Variants in GSK3B observed in about 807,000 individuals in gnomAD.
The protein encoded by GSK3B is glycogen synthase kinase 3 beta.
GSK3B carries 15 observed loss-of-function variants against 56.4 expected under a neutral mutation model. The observed-to-expected ratio is 0.27, with a 90% CI of 0.18 to 0.41. GSK3B has a LOEUF of 0.41. Among genes scored for constraint, GSK3B ranks in the 10% least tolerant of loss-of-function variants. The pLI is 1.00. For synonymous variants in GSK3B, 181 were observed against 188.9 expected (o/e 0.96, Z 0.34); for missense variants, 300 against 513.4 (o/e 0.58, Z 4.02).
chr3:119,905,965 A>T (rs745791415), intron 6 of GSK3B, 113 bp from the exon 7 acceptor site: 1 of 694,276 alleles, frequency 1.4e-6, no homozygotes, highest in Non-Finnish European at 2.6e-6. Flanking sequence ...ACAGGAAAAG[A>T]TTATACAATC....
At chr3:119,988,949 C>G (rs766045036) in intron 2 of GSK3B, among the ~76,000 whole-genome samples, 4 of 152,194 alleles carry the variant, frequency 2.6e-5, no homozygotes, top group Non-Finnish European at 5.9e-5. Flanking sequence ...AACCATAGCA[C>G]ACCTGTTGTT....
At position 119,821,544 on chromosome 3, in the gene GSK3B, T is replaced by C. The variant is rs2055408549; in HGVS notation, c.*5244A>G. On this transcript the variant is annotated 3_prime_UTR_variant, in exon 11 of 11. Transcript: ENST00000264235. ...ACAGCCCCACTGTTCGTGGTGTCCA[T>C]ATATTTTACAGAGACCCCCAAAGAC... The C allele has an allele frequency of 6.6e-6, 1 of 152,360 alleles. No individual in the cohort carries two copies. The highest frequency in any genetic ancestry group is 1.5e-5 in the Non-Finnish European group (1 of 68,038). The allele number at this position is 152,360 out of a possible 1,614,324, so 9.4% of individuals were successfully genotyped here.
At chr3:119,984,041 G>C (rs1345600048) in intron 2 of GSK3B, among the ~76,000 whole-genome samples, 3 of 152,182 alleles carry the variant, frequency 2.0e-5, no homozygotes, top group Non-Finnish European at 4.4e-5. Context: ...TAGAACTCAG[G>C]ATTAAGAAAC....
intron 7 of GSK3B, among the ~76,000 whole-genome samples, chr3:119,904,430 G>A (rs2056661639): frequency 6.6e-6 from 1 of 152,134 alleles, no homozygotes. Flanking sequence ...AAAAGAAGAT[G>A]CAAATACCAC....
chr3:120,045,170 C>T (rs2058092733), intron 1 of GSK3B, among the ~76,000 whole-genome samples: 1 of 152,028 alleles, frequency 6.6e-6, no homozygotes, highest in African/African-American at 2.4e-5. Flanking sequence ...AGGATCAAGT[C>T]GGACAGCAAA....
intron 1 of GSK3B, among the ~76,000 whole-genome samples, chr3:120,026,528 CACACACACACACACACACACACACAA>C (rs1406064665): frequency 8.5e-5 from 12 of 141,470 alleles, no homozygotes; most frequent in Admixed American, 2.9e-4. Context: ...CACACACACA[CACACACACACACACACACACACACAA>C]ACACACACAC....
intron 6 of GSK3B, among the ~76,000 whole-genome samples, chr3:119,906,305 T>G (rs1262536042): frequency 6.6e-6 from 1 of 152,072 alleles, no homozygotes; most frequent in East Asian, 1.9e-4. Flanking sequence ...GGAACACTTT[T>G]AAGACTTTAA....
At chr3:119,965,462 T>C (rs760548773) in intron 2 of GSK3B, among the ~76,000 whole-genome samples, 1 of 152,012 alleles carries the variant, frequency 6.6e-6, no homozygotes, top group Non-Finnish European at 1.5e-5. Flanking sequence ...TCCTCCCGCT[T>C]TGGCCTCCCA....
At chr3:119,980,623 G>A (rs1453153610) in intron 2 of GSK3B, among the ~76,000 whole-genome samples, 2 of 152,138 alleles carry the variant, frequency 1.3e-5, no homozygotes, top group Non-Finnish European at 2.9e-5. Context: ...CAAAGTGCTG[G>A]CATTACAGGC....
chr3:120,014,214 C>T (rs549315871), intron 1 of GSK3B, among the ~76,000 whole-genome samples: 1 of 150,764 alleles, frequency 6.6e-6, no homozygotes, highest in East Asian at 2.0e-4. Flanking sequence ...CTCACATCTG[C>T]AATCCCAGCA....
At chr3:119,926,051 G>A (rs1436869658) in intron 3 of GSK3B, among the ~76,000 whole-genome samples, 1 of 151,844 alleles carries the variant, frequency 6.6e-6, no homozygotes, top group East Asian at 1.9e-4. Flanking sequence ...CTCCATTTCT[G>A]CTTCCTCCTA....
Position 120,093,752 on chromosome 3 carries a change from T to C in GSK3B, c.-318A>G. On this transcript the variant is annotated 5_prime_UTR_variant, in exon 1 of 11. Transcript: ENST00000264235. The stretch of plus-strand genomic sequence containing the variant: ...AGGGCAAATCCTAAAAAAATATGTA[T>C]CACGTGAAACGGGGGCAAATACTTG... 3.4e-6 allele frequency: 1 copy of C among 296,140 alleles called. No homozygotes were observed. Among genetic ancestry groups the C allele is most frequent in the Non-Finnish European group, 6.3e-6 (1 of 158,756 alleles). The allele number at this position is 296,140 out of a possible 1,614,324, so 18.3% of individuals were successfully genotyped here. A position where few individuals can be genotyped will look rare whatever the true frequency, so the allele number is the denominator to read the frequency against.
rs1426710009 is a variant in GSK3B at position 120,064,707 on chromosome 3, T to C, written c.88+28640A>G. Among the ~76,000 whole-genome samples, 3 of 152,136 alleles carry C rather than the reference T, an allele frequency of 2.0e-5. No homozygotes were observed. The East Asian group carries it at 5.8e-4, about 29-fold the overall frequency. On this transcript the variant is annotated intron_variant, in intron 1 of 10. Transcript: ENST00000264235. ...AAGGGACCCTGAATACCTAAAGCAA[T>C]CTTGAAAAAGAACGAAGTTGGAGGA...
At chr3:119,877,535 C>T (rs144768971) in intron 7 of GSK3B, among the ~76,000 whole-genome samples, 3 of 152,098 alleles carry the variant, frequency 2.0e-5, no homozygotes, top group East Asian at 3.9e-4. Flanking sequence ...TCTGCAGATG[C>T]GGAACCTGTA....
intron 10 of GSK3B, among the ~76,000 whole-genome samples, chr3:119,839,550 G>C (rs148254300): frequency 5.4e-4 from 82 of 152,202 alleles, no homozygotes; most frequent in African/African-American, 1.8e-3. Flanking sequence ...GACAGTACCT[G>C]AATTGCAATG....
intron 10 of GSK3B, among the ~76,000 whole-genome samples, chr3:119,830,684 T>C (rs2055584841): frequency 6.6e-6 from 1 of 152,248 alleles, no homozygotes; most frequent in African/African-American, 2.4e-5. Flanking sequence ...GATGCTCTTC[T>C]GAACTTCACA....
chr3:119,895,870 T>A (rs1409056585), intron 7 of GSK3B, among the ~76,000 whole-genome samples: 3 of 152,096 alleles, frequency 2.0e-5, no homozygotes, highest in Non-Finnish European at 2.9e-5. Context: ...ATGCCTGTAA[T>A]CCCAGCACTT....
intron 7 of GSK3B, among the ~76,000 whole-genome samples, chr3:119,895,468 T>C (rs1466674121): frequency 3.3e-5 from 5 of 152,176 alleles, no homozygotes; most frequent in Admixed American, 6.5e-5. Flanking sequence ...CATACTGTAA[T>C]TTTATTTTCA....
At chr3:119,905,393 G>A (rs1576188936) in intron 7 of GSK3B, among the ~76,000 whole-genome samples, 1 of 152,020 alleles carries the variant, frequency 6.6e-6, no homozygotes, top group African/African-American at 2.4e-5. Flanking sequence ...AGAGTATTAG[G>A]AGCAGGGAGT....
Sources: allele counts gnomAD v4.1 joint callset (sites outside exome capture counted in the v4.1 genomes callset), GRCh38; gene constraint gnomAD v4.1.1; transcripts MANE v1.5; gene names NCBI Gene and HGNC (gene_info 2026-07-23, HGNC 2026-07-21).